ASAP1: variants seen among roughly 807,000 people sequenced by gnomAD.
ASAP1 encodes ArfGAP with SH3 domain, ankyrin repeat and PH domain 1, also known as arf-GAP with SH3 domain, ANK repeat and PH domain-containing protein 1.
ASAP1 carries 43 observed loss-of-function variants against 145.2 expected under a neutral mutation model. The observed-to-expected ratio is 0.30, with a 90% CI of 0.23 to 0.38. The LOEUF is 0.38. Ranked by LOEUF, ASAP1 falls within the 10% of genes least tolerant of loss-of-function variation. The pLI is 1.00. For synonymous variants in ASAP1, 546 were observed against 515.5 expected, an observed-to-expected ratio of 1.06 and a Z score of -0.80; for missense variants, 1,018 against 1,355.3, an observed-to-expected ratio of 0.75 and a Z score of 3.91.
At chr8:130,240,774 G>A (rs1055902213) in intron 3 of ASAP1, among the ~76,000 whole-genome samples, 2 of 152,138 alleles carry the variant, frequency 1.3e-5, no homozygotes, top group Non-Finnish European at 2.9e-5. Context: ...AGGGATGGTA[G>A]TCTAGGAGAG....
At chr8:130,234,711 C>A (rs951359257) in intron 4 of ASAP1, among the ~76,000 whole-genome samples, 1 of 152,106 alleles carries the variant, frequency 6.6e-6, no homozygotes, top group African/African-American at 2.4e-5. Flanking sequence ...GAGCCCTCAG[C>A]ACGGTAAATA....
Position 130,086,962 on chromosome 8 carries a change from G to T in ASAP1, c.2572+5011C>A, listed in dbSNP as rs1423651188. On this transcript the variant is annotated intron_variant, in intron 25 of 29. Transcript: ENST00000518721. ...TCTCACAAAACACTCAACATCAGCTGCCTTGCTTATTTCCTCCTGCCTATT... is the reference window on the plus strand; with the variant it reads ...TCTCACAAAACACTCAACATCAGCTTCCTTGCTTATTTCCTCCTGCCTATT... Among the ~76,000 whole-genome samples, 5 of 152,184 alleles carry T rather than the reference G, an allele frequency of 3.3e-5. No individual in the cohort carries two copies. In the East Asian group the frequency reaches 9.6e-4, roughly 29 times the overall value.
intron 2 of ASAP1, among the ~76,000 whole-genome samples, chr8:130,367,528 T>C (rs1320448472): frequency 1.3e-5 from 2 of 152,214 alleles, no homozygotes; most frequent in African/African-American, 2.4e-5. Flanking sequence ...AAGATGTTTG[T>C]GACATGGAAT....
intron 1 of ASAP1, among the ~76,000 whole-genome samples, chr8:130,403,206 A>G (rs1828874645): frequency 6.6e-6 from 1 of 152,220 alleles, no homozygotes; most frequent in Non-Finnish European, 1.5e-5. Context: ...AAAGATAGCA[A>G]TAATTCCTTG....
intron 3 of ASAP1, among the ~76,000 whole-genome samples, chr8:130,297,413 A>G (rs1478375076): frequency 2.0e-5 from 3 of 152,220 alleles, no homozygotes; most frequent in East Asian, 1.9e-4. Flanking sequence ...GTGGACCAGC[A>G]CAGTTCACAC....
chr8:130,271,889 A>G (rs923186509), intron 3 of ASAP1, among the ~76,000 whole-genome samples: 3 of 152,190 alleles, frequency 2.0e-5, no homozygotes, highest in Non-Finnish European at 2.9e-5. Flanking sequence ...TATTTTTATA[A>G]TGTATAAAAT....
intron 4 of ASAP1, among the ~76,000 whole-genome samples, chr8:130,218,861 A>ATATC (rs1465962163): frequency 2.0e-5 from 3 of 151,900 alleles, no homozygotes; most frequent in East Asian, 3.9e-4. Context: ...ATATATATAT[A>ATATC]TATGCATATG....
At chr8:130,214,811 T>A in intron 4 of ASAP1, 110 bp from the exon 5 acceptor site, 1 of 928,606 alleles carries the variant, frequency 1.1e-6, no homozygotes, top group Admixed American at 2.8e-5. Context: ...ATAAACTGTA[T>A]CAATTATTTA....
intron 1 of ASAP1, among the ~76,000 whole-genome samples, chr8:130,433,100 G>A (rs1830194089): frequency 6.6e-6 from 1 of 152,192 alleles, no homozygotes; most frequent in Admixed American, 6.5e-5. Flanking sequence ...GAGGAAACTT[G>A]CTAACAGCTA....
intron 2 of ASAP1, among the ~76,000 whole-genome samples, chr8:130,390,334 A>C (rs1828218051): frequency 6.6e-6 from 1 of 152,246 alleles, no homozygotes; most frequent in Admixed American, 6.5e-5. Context: ...ATTTCATAGA[A>C]AGTTCTACTG....
At chr8:130,290,624 C>T (rs2137296409) in intron 3 of ASAP1, among the ~76,000 whole-genome samples, 1 of 152,308 alleles carries the variant, frequency 6.6e-6, no homozygotes, top group East Asian at 1.9e-4. Context: ...CAGTGGTGGT[C>T]ATTCTTCTCA....
At chr8:130,414,242 T>A (rs1180853349) in intron 1 of ASAP1, among the ~76,000 whole-genome samples, 2 of 152,236 alleles carry the variant, frequency 1.3e-5, no homozygotes, top group Non-Finnish European at 2.9e-5. Context: ...CCATCTGCCA[T>A]GTCCAAGGCA....
At chr8:130,163,208 A>C (rs1259215582) in intron 11 of ASAP1, 2 of 152,270 alleles carry the variant, frequency 1.3e-5, no homozygotes, top group Non-Finnish European at 2.9e-5. Context: ...GTGTATCTCT[A>C]ATCTTAACCT....
At chr8:130,397,351 G>A (rs946169561) in intron 2 of ASAP1, among the ~76,000 whole-genome samples, 4 of 152,160 alleles carry the variant, frequency 2.6e-5, no homozygotes, top group Non-Finnish European at 5.9e-5. Flanking sequence ...ATGTTGGCCA[G>A]GCTGGTCTCA....
intron 1 of ASAP1, among the ~76,000 whole-genome samples, chr8:130,425,892 T>C (rs79168379): frequency 0.032 from 4,809 of 152,240 alleles, 96 homozygotes; most frequent in African/African-American, 0.058. Flanking sequence ...AGCCATGGTT[T>C]GGATGAGTTG....
At chr8:130,121,848 C>T (rs918830383) in intron 18 of ASAP1, among the ~76,000 whole-genome samples, 1 of 144,882 alleles carries the variant, frequency 6.9e-6, no homozygotes, top group East Asian at 2.2e-4. Flanking sequence ...ACTCAGATCA[C>T]GCCACTCCTG....
chr8:130,238,004 T>C (rs1818312386), intron 3 of ASAP1, among the ~76,000 whole-genome samples: 1 of 152,100 alleles, frequency 6.6e-6, no homozygotes, highest in Non-Finnish European at 1.5e-5. Flanking sequence ...ATCCATTACA[T>C]CATCTAAACC....
At chr8:130,326,131 A>G (rs1264307143) in intron 3 of ASAP1, among the ~76,000 whole-genome samples, 1 of 152,154 alleles carries the variant, frequency 6.6e-6, no homozygotes, top group African/African-American at 2.4e-5. Flanking sequence ...AAATCAGAGA[A>G]GGCTTTAAGG....
chr8:130,232,474 G>A (rs1817962364), intron 4 of ASAP1, among the ~76,000 whole-genome samples: 1 of 152,106 alleles, frequency 6.6e-6, no homozygotes. Context: ...AAACTGAATG[G>A]CTTGGAGAAT....
Sources: gnomAD v4.1 joint callset for allele counts (sites outside exome capture counted in the v4.1 genomes callset) on GRCh38, gnomAD v4.1.1 for gene constraint, MANE v1.5 for transcripts, NCBI Gene and HGNC (gene_info 2026-07-23, HGNC 2026-07-21) for gene names.